The following ADGRG2 variants were observed in gnomAD, a reference collection of about 807,000 sequenced individuals.
The protein encoded by ADGRG2 is adhesion G protein-coupled receptor G2.
Under a neutral mutation model 74.1 loss-of-function variants are expected in ADGRG2, and 26 were observed. That is an observed-to-expected ratio of 0.35 (90% CI 0.26 to 0.49). ADGRG2 has a LOEUF of 0.49. Among genes scored for constraint, ADGRG2 ranks in the 20% least tolerant of loss-of-function variants. The probability of loss-of-function intolerance (pLI) is 0.99; values close to 1 mark genes in which losing one functional copy is unlikely to be tolerated. For missense variants in ADGRG2, 619 were observed against 763.1 expected (o/e 0.81, Z 2.22); for synonymous variants, 296 against 295.2 (o/e 1.00, Z -0.03).
intron 1 of ADGRG2, among the ~76,000 whole-genome samples, chrX:19,099,014 A>T (rs768716095): frequency 1.8e-5 from 2 of 111,566 alleles, no homozygotes; most frequent in South Asian, 7.5e-4. Flanking sequence ...GTGAAACCCC[A>T]TCTCTACTAA....
chrX:19,070,446 T>C (rs928468991), intron 2 of ADGRG2, among the ~76,000 whole-genome samples: 2 of 111,332 alleles, frequency 1.8e-5, no homozygotes, highest in African/African-American at 6.5e-5. Context: ...ACAGAAAGAA[T>C]TGCAAATGCT....
At chrX:19,035,107 G>T (rs1423619873) in intron 7 of ADGRG2, 5 of 111,759 alleles carry the variant, frequency 4.5e-5, no homozygotes, top group Non-Finnish European at 7.5e-5. Context: ...CCTAAGCGTT[G>T]AGAGAAAGAT....
At chrX:19,033,237 T>A (rs1362673131) in intron 8 of ADGRG2, 2 of 129,682 alleles carry the variant, frequency 1.5e-5, no homozygotes, top group Non-Finnish European at 1.5e-5. Context: ...GAAAAAAAAA[T>A]TTGAGGTTCA....
At chrX:19,102,393 A>C (rs1327918036) in intron 1 of ADGRG2, among the ~76,000 whole-genome samples, 1 of 109,545 alleles carries the variant, frequency 9.1e-6, no homozygotes, top group Non-Finnish European at 1.9e-5. Flanking sequence ...GAAGAAAATC[A>C]ATTTCCTCTT....
chrX:18,994,150 A>C (rs1310550785), intron 28 of ADGRG2, among the ~76,000 whole-genome samples: 1 of 112,208 alleles, frequency 8.9e-6, no homozygotes, highest in East Asian at 2.8e-4. Context: ...AGACAGCCAC[A>C]TTGTGGGAAA....
intron 28 of ADGRG2, among the ~76,000 whole-genome samples, chrX:18,992,586 C>T (rs2059941335): frequency 8.9e-6 from 1 of 112,407 alleles, no homozygotes; most frequent in Admixed American, 9.4e-5. Context: ...CCACTGCGCC[C>T]AGCCCTAGCT....
At chrX:19,076,473 A>C (rs1430721913) in intron 2 of ADGRG2, among the ~76,000 whole-genome samples, 1 of 111,958 alleles carries the variant, frequency 8.9e-6, no homozygotes, top group Non-Finnish European at 1.9e-5. Flanking sequence ...ATGAACTTTT[A>C]CTATATAAAA....
chrX:19,060,481 T>C (rs186928148), intron 3 of ADGRG2, among the ~76,000 whole-genome samples: 206 of 109,933 alleles, frequency 1.9e-3, no homozygotes, highest in African/African-American at 6.4e-3. Flanking sequence ...AGAACCCCAA[T>C]ATCCAGGCTG....
intron 9 of ADGRG2, among the ~76,000 whole-genome samples, chrX:19,028,625 T>C (rs1032799170): frequency 2.8e-5 from 3 of 108,887 alleles, no homozygotes; most frequent in Non-Finnish European, 5.7e-5. Context: ...GGGCCACATA[T>C]AAAATACTCT....
chrX:19,063,152 G>A (rs1032597376), intron 3 of ADGRG2, among the ~76,000 whole-genome samples: 1 of 111,789 alleles, frequency 8.9e-6, no homozygotes, highest in East Asian at 2.8e-4. Context: ...GGCTCTCTCT[G>A]TTGGCTAGTG....
chrX:19,010,129 T>TG (rs1569369067), intron 17 of ADGRG2, among the ~76,000 whole-genome samples: 5 of 107,709 alleles, frequency 4.6e-5, no homozygotes, highest in Admixed American at 3.0e-4. Flanking sequence ...TTTTGTTTTT[T>TG]TTTTTTTTTG....
chrX:19,035,943 TG>T lies in ADGRG2; in HGVS notation c.260del (p.Thr87LysfsTer8). ...CATTTAGAAATCACTTGATATTACC[TG>T]TTTCGTTTGAAGGGAGTAAGCTTAA... ...VTLSLLPSNETEKTKITIVKT... is the reference protein window; with the variant it reads ...VTLSLLPSNEXEKTKITIVKT... On this transcript the variant is annotated frameshift_variant and splice_region_variant, in exon 7 of 29. Transcript: ENST00000379869. LOFTEE classifies it high-confidence loss of function. 1.0e-6 allele frequency: 1 copy of T among 970,273 alleles called. No homozygotes were observed. The highest frequency in any genetic ancestry group is 1.5e-6 in the Non-Finnish European group (1 of 687,041). The allele number at this position is 970,273 out of a possible 1,213,427, so 80.0% of individuals were successfully genotyped here. A position where few individuals can be genotyped will look rare whatever the true frequency, so the allele number is the denominator to read the frequency against.
chrX:19,020,963 A>G (rs950298914), intron 14 of ADGRG2, 141 bp downstream of exon 14: 5 of 463,633 alleles, frequency 1.1e-5, no homozygotes, highest in Non-Finnish European at 1.8e-5. Context: ...TCAAAAAAAA[A>G]AGAGAGAGAA....
rs767983737 is a variant in ADGRG2 at position 19,050,066 on chromosome X, C to T, written c.119-9842G>A. On this transcript the variant is annotated intron_variant, in intron 3 of 28. Coordinates refer to ENST00000379869, the MANE Select transcript of ADGRG2 (RefSeq NM_001079858.3). The stretch of plus-strand genomic sequence containing the variant: ...GCATCTTAGTTTAGGTTCTCTGGGT[C>T]GCAGGGCCTAAGATCAAGACTGGAG... 3.6e-5 allele frequency among the ~76,000 whole-genome samples: 4 copies of T among 111,276 alleles called. No individual in the cohort carries two copies. The East Asian group carries it at 8.5e-4, about 24-fold the overall frequency.
rs191517714 is a variant in ADGRG2, at chrX:19,110,538, T to C, written c.-47+11904A>G. On this transcript the variant is annotated intron_variant, in intron 1 of 28. Transcript: ENST00000379869. ...TCTTCTCTACTAAAAATACAAAAAT[T>C]AGCCGGGTGTGGTTGCATGCACCTA... Among the ~76,000 whole-genome samples, 782 of 109,057 alleles carry C rather than the reference T, an allele frequency of 7.2e-3. 6 individuals are homozygous for C. Among genetic ancestry groups the C allele is most frequent in the Non-Finnish European group, 0.011 (599 of 52,440 alleles). 94.7% of individuals were successfully genotyped at this position (109,057 alleles called of 115,157 possible).
intron 27 of ADGRG2, among the ~76,000 whole-genome samples, 165 bp downstream of exon 27, chrX:18,995,886 A>G (rs1386941540): frequency 3.6e-5 from 4 of 112,067 alleles, no homozygotes; most frequent in African/African-American, 1.3e-4. Flanking sequence ...TTAATTCACT[A>G]GATTTTTTTT....
At chrX:19,007,913 TA>T in intron 19 of ADGRG2, 66 bp downstream of exon 19, 1 of 964,594 alleles carries the variant, frequency 1.0e-6, no homozygotes, top group Non-Finnish European at 1.4e-6. Context: ...ATTCGAGCAC[TA>T]AAAGAAATGA....
intron 1 of ADGRG2, among the ~76,000 whole-genome samples, chrX:19,113,981 A>G (rs932534438): frequency 1.3e-4 from 14 of 106,585 alleles, no homozygotes; most frequent in Admixed American, 5.1e-4. Flanking sequence ...CTGAGGCAGG[A>G]GAATCACCTG....
chrX:19,017,196 G>T (rs1196435007), intron 15 of ADGRG2, among the ~76,000 whole-genome samples: 1 of 111,827 alleles, frequency 8.9e-6, no homozygotes, highest in Non-Finnish European at 1.9e-5. Flanking sequence ...CAGACTTTCA[G>T]GCCCAGGCCT....
Sources: gnomAD v4.1 joint callset for allele counts (sites outside exome capture counted in the v4.1 genomes callset) on GRCh38, gnomAD v4.1.1 for gene constraint, MANE v1.5 for transcripts, NCBI Gene and HGNC (gene_info 2026-07-23, HGNC 2026-07-21) for gene names.